Variants in DCT observed in about 807,000 individuals in gnomAD.
The protein encoded by DCT is L-dopachrome tautomerase.
Under a neutral mutation model 53.0 loss-of-function variants are expected in DCT, and 47 were observed. The ratio of observed to expected loss-of-function variants is 0.89; its 90% CI spans 0.70 to 1.13. The LOEUF is 1.13. Among genes scored for constraint, DCT ranks in the 50% most tolerant of loss-of-function variants. The pLI is 0.00. For missense variants in DCT, 669 were observed against 637.4 expected (o/e 1.05, Z -0.53); for synonymous variants, 244 against 237.0 (o/e 1.03, Z -0.27).
At chr13:94,483,694 G>A (rs1330619090), upstream of DCT, among the ~76,000 whole-genome samples, 1 of 152,062 alleles carries the variant, frequency 6.6e-6, no homozygotes, top group Non-Finnish European at 1.5e-5. Flanking sequence ...TAGAGACGAA[G>A]TTTCACCATG....
the DCT span, among the ~76,000 whole-genome samples, chr13:94,534,151 TTAAA>T: frequency 2.0e-5 from 3 of 151,094 alleles, no homozygotes; most frequent in African/African-American, 7.3e-5. Flanking sequence ...TAATTATATA[TTAAA>T]TAAAAATGTA....
the DCT span, among the ~76,000 whole-genome samples, chr13:94,488,933 AACTC>A: frequency 4.6e-5 from 7 of 152,172 alleles, no homozygotes; most frequent in South Asian, 4.1e-4. Flanking sequence ...TATAGCTATG[AACTC>A]ACTATGTTTA....
the DCT span, among the ~76,000 whole-genome samples, chr13:94,526,472 C>T: frequency 5.9e-5 from 9 of 152,158 alleles, no homozygotes; most frequent in African/African-American, 2.2e-4. Flanking sequence ...CCTATCTCTA[C>T]AAAACATTTA....
chr13:94,457,433 C>T (rs1002242275), intron 6 of DCT, among the ~76,000 whole-genome samples: 5 of 152,160 alleles, frequency 3.3e-5, no homozygotes, highest in Non-Finnish European at 5.9e-5. Flanking sequence ...CACCAGGAAC[C>T]AAATCAGCTG....
At chr13:94,490,525 A>C in the DCT span, among the ~76,000 whole-genome samples, 1 of 148,272 alleles carries the variant, frequency 6.7e-6, no homozygotes, top group African/African-American at 2.5e-5. Context: ...AAAAAAAAAA[A>C]AAAAAACAAC....
chr13:94,538,102 A>G, the DCT span, among the ~76,000 whole-genome samples: 1 of 152,154 alleles, frequency 6.6e-6, no homozygotes, highest in Non-Finnish European at 1.5e-5. Flanking sequence ...TGGATAAGGT[A>G]TAGGGAGTAC....
At chr13:94,480,266 C>T (rs908712039), upstream of DCT, among the ~76,000 whole-genome samples, 1 of 152,128 alleles carries the variant, frequency 6.6e-6, no homozygotes, top group African/African-American at 2.4e-5. Flanking sequence ...GCACTGGAAC[C>T]ATTTGGAATG....
At chr13:94,467,306 C>T (rs192587621) in intron 2 of DCT, 3 of 152,310 alleles carry the variant, frequency 2.0e-5, no homozygotes, top group African/African-American at 7.2e-5. Context: ...TTAATGACCT[C>T]CTTACTGCCT....
At chr13:94,486,559 T>A in the DCT span, among the ~76,000 whole-genome samples, 4 of 152,344 alleles carry the variant, frequency 2.6e-5, no homozygotes, top group African/African-American at 9.6e-5. Context: ...ACTTGTAAGG[T>A]ATTTTTAATA....
chr13:94,523,815 C>T, the DCT span, among the ~76,000 whole-genome samples: 1 of 152,096 alleles, frequency 6.6e-6, no homozygotes, highest in African/African-American at 2.4e-5. Flanking sequence ...CAATAGCGTG[C>T]TTAAATTTCC....
chr13:94,491,549 C>A, the DCT span, among the ~76,000 whole-genome samples: 1 of 152,146 alleles, frequency 6.6e-6, no homozygotes, highest in South Asian at 2.1e-4. Flanking sequence ...CAACAGATAA[C>A]AGATAATAAA....
the DCT span, among the ~76,000 whole-genome samples, chr13:94,529,120 G>A: frequency 3.3e-5 from 5 of 152,046 alleles, no homozygotes; most frequent in Non-Finnish European, 5.9e-5. Context: ...CCCAACACAG[G>A]AGCACCCAGA....
chr13:94,518,151 AAGGAATGAAG>A, the DCT span, among the ~76,000 whole-genome samples: 107 of 141,784 alleles, frequency 7.5e-4, no homozygotes, highest in South Asian at 6.0e-3. Context: ...GGAAGGAAGG[AAGGAATGAAG>A]GAAGGAAGGA....
At chr13:94,542,695 G>A in the DCT span, among the ~76,000 whole-genome samples, 1 of 152,190 alleles carries the variant, frequency 6.6e-6, no homozygotes, top group African/African-American at 2.4e-5. Flanking sequence ...TTAAGCAGAT[G>A]TTTTGTTCTG....
the DCT span, among the ~76,000 whole-genome samples, chr13:94,539,475 A>G: frequency 6.6e-6 from 1 of 152,246 alleles, no homozygotes; most frequent in African/African-American, 2.4e-5. Context: ...CTTCTGTGTT[A>G]CTGTACACCT....
In DCT at chr13:94,466,655, G is replaced by C. The variant is rs1884245237; in HGVS notation, c.599C>G (p.Pro200Arg). 3.8e-6 allele frequency: 6 copies of C among 1,589,944 alleles called. No individual in the cohort carries two copies. The highest frequency in any genetic ancestry group is 5.1e-6 in the Non-Finnish European group (6 of 1,169,816). ...YYSVRDTLLG[P>R]GRPYRAIDFS... ...ATCTATGGCCCTGTAGGGGCGTCCT[G>C]GTCCTGAAACAATTGGGAAACATAT... is the stretch of plus-strand genomic sequence containing the variant. Residue 200 changes from proline to arginine, a missense_variant, in exon 3 of 8, where the codon CCA becomes CGA. Coordinates refer to ENST00000377028, the MANE Select transcript of DCT (RefSeq NM_001922.5).
the DCT span, among the ~76,000 whole-genome samples, chr13:94,507,818 A>G: frequency 1.3e-5 from 2 of 152,298 alleles, no homozygotes; most frequent in East Asian, 3.9e-4. Context: ...ACTATTTTTT[A>G]TCTAAACTCT....
the DCT span, among the ~76,000 whole-genome samples, chr13:94,500,493 T>A: frequency 1.3e-5 from 2 of 152,194 alleles, no homozygotes; most frequent in African/African-American, 4.8e-5. Context: ...TAATTCAAAA[T>A]GAGATTTGGG....
chr13:94,482,613 G>A (rs61758410), upstream of DCT, among the ~76,000 whole-genome samples: 33,945 of 152,136 alleles, frequency 0.22, 4,521 homozygotes, highest in Non-Finnish European at 0.31. Context: ...ACTCTGCTGT[G>A]TTTTTCCAAC....
Sources: allele counts gnomAD v4.1 joint callset (sites outside exome capture counted in the v4.1 genomes callset), GRCh38; gene constraint gnomAD v4.1.1; transcripts MANE v1.5; gene names NCBI Gene and HGNC (gene_info 2026-07-23, HGNC 2026-07-21).